Variants in KCNMA1 observed in about 807,000 individuals in gnomAD.
KCNMA1 encodes potassium calcium-activated channel subfamily M alpha 1, also known as Calcium-activated potassium channel subunit alpha-1.
KCNMA1 carries 29 observed loss-of-function variants against 140.0 expected under a neutral mutation model. That is an observed-to-expected ratio of 0.21 (90% CI 0.15 to 0.28). KCNMA1 has a LOEUF of 0.28. KCNMA1 is among the 10% of genes least tolerant of loss of function. The pLI is 1.00. For missense variants in KCNMA1, 880 were observed against 1,602.2 expected (o/e 0.55, Z 7.70); for synonymous variants, 612 against 611.9 (o/e 1.00, Z 0.00).
At chr10:77,417,261 A>G (rs1236333665) in intron 1 of KCNMA1, among the ~76,000 whole-genome samples, 3 of 152,236 alleles carry the variant, frequency 2.0e-5, no homozygotes, top group Admixed American at 1.3e-4. Flanking sequence ...CTTTTGGTCC[A>G]TGCATGTTGC....
chr10:77,533,067 T>C (rs991049760), intron 1 of KCNMA1, among the ~76,000 whole-genome samples: 1 of 152,218 alleles, frequency 6.6e-6, no homozygotes, highest in Admixed American at 6.5e-5. Flanking sequence ...GGGAACATAA[T>C]AAATGTTTGA....
At chr10:77,459,137 G>A (rs1399170876) in intron 1 of KCNMA1, among the ~76,000 whole-genome samples, 2 of 152,210 alleles carry the variant, frequency 1.3e-5, no homozygotes, top group Non-Finnish European at 2.9e-5. Flanking sequence ...GGCACTGACA[G>A]TAGGGGCATT....
At chr10:77,193,882 C>T (rs1306397162) in intron 3 of KCNMA1, among the ~76,000 whole-genome samples, 1 of 152,136 alleles carries the variant, frequency 6.6e-6, no homozygotes, top group Non-Finnish European at 1.5e-5. Context: ...GATCCATACT[C>T]CTCTCACATC....
intron 1 of KCNMA1, among the ~76,000 whole-genome samples, chr10:77,573,379 C>G (rs2072468066): frequency 6.6e-6 from 1 of 152,152 alleles, no homozygotes; most frequent in Non-Finnish European, 1.5e-5. Flanking sequence ...AGACTCTTAA[C>G]AAAGCCTCAG....
intron 3 of KCNMA1, among the ~76,000 whole-genome samples, chr10:77,223,630 T>C (rs2050384223): frequency 6.6e-6 from 1 of 152,144 alleles, no homozygotes; most frequent in East Asian, 1.9e-4. Context: ...ACAAGTTCAT[T>C]TTCTCAAATG....
At chr10:77,448,505 C>T (rs1287106133) in intron 1 of KCNMA1, among the ~76,000 whole-genome samples, 1 of 152,160 alleles carries the variant, frequency 6.6e-6, no homozygotes, top group Non-Finnish European at 1.5e-5. Context: ...GACATAGTCA[C>T]TTTACATATG....
intron 19 of KCNMA1, among the ~76,000 whole-genome samples, chr10:76,990,183 T>C (rs2082347337): frequency 6.6e-6 from 1 of 152,182 alleles, no homozygotes; most frequent in African/African-American, 2.4e-5. Flanking sequence ...AATGAGATGA[T>C]GTTGGTGCCT....
intron 5 of KCNMA1, among the ~76,000 whole-genome samples, chr10:77,178,379 CT>C (rs2098772327): frequency 1.3e-5 from 2 of 152,156 alleles, no homozygotes; most frequent in African/African-American, 4.8e-5. Context: ...CTCCTACTCC[CT>C]TCTTTAAATC....
At chr10:77,545,605 G>A (rs1375449009) in intron 1 of KCNMA1, among the ~76,000 whole-genome samples, 1 of 152,218 alleles carries the variant, frequency 6.6e-6, no homozygotes, top group African/African-American at 2.4e-5. Flanking sequence ...AGTGGGGCAT[G>A]GAGGTGCCCC....
intron 1 of KCNMA1, among the ~76,000 whole-genome samples, chr10:77,520,104 T>A (rs2052506523): frequency 6.6e-6 from 1 of 151,376 alleles, no homozygotes; most frequent in African/African-American, 2.4e-5. Context: ...AGTGTGAGGG[T>A]GTGCAGTGTG....
intron 13 of KCNMA1, among the ~76,000 whole-genome samples, chr10:77,073,499 A>G (rs1364417840): frequency 1.3e-5 from 2 of 152,146 alleles, no homozygotes; most frequent in Non-Finnish European, 2.9e-5. Flanking sequence ...ATTTAGCCAA[A>G]TAGAGCCCAG....
At chr10:77,530,528 G>T (rs1218286376) in intron 1 of KCNMA1, among the ~76,000 whole-genome samples, 1 of 152,184 alleles carries the variant, frequency 6.6e-6, no homozygotes, top group African/African-American at 2.4e-5. Flanking sequence ...TTCACTTAGT[G>T]CAAGTCACGC....
At chr10:77,335,162 C>G (rs557186726) in intron 2 of KCNMA1, among the ~76,000 whole-genome samples, 2 of 152,172 alleles carry the variant, frequency 1.3e-5, no homozygotes, top group East Asian at 3.9e-4. Context: ...CTTCCTCCTC[C>G]TCCCGTCCTC....
At chr10:76,999,035 C>T (rs368257601) in intron 19 of KCNMA1, among the ~76,000 whole-genome samples, 192 of 152,310 alleles carry the variant, frequency 1.3e-3, no homozygotes, top group African/African-American at 4.4e-3. Flanking sequence ...GGCTTCAACA[C>T]GCAGCCCAAA....
At chr10:77,004,880 T>C (rs541505761) in intron 18 of KCNMA1, among the ~76,000 whole-genome samples, 69 of 152,310 alleles carry the variant, frequency 4.5e-4, no homozygotes, top group African/African-American at 1.6e-3. Context: ...TAATTTTAGA[T>C]ATGAAGAGTT....
At position 77,551,335 on chromosome 10, in the gene KCNMA1, T is replaced by C. The variant is rs1476169268; in HGVS notation, c.378+85930A>G. ...TGTATCCAATTTTAAAAATTCATCA[T>C]ATGTCACAGACAGAGGCACAGACCC... On this transcript the variant is annotated intron_variant, in intron 1 of 27. Coordinates refer to ENST00000286628, the MANE Select transcript of KCNMA1 (RefSeq NM_001161352.2). Among the ~76,000 whole-genome samples, 5 of 152,322 alleles carry C rather than the reference T, an allele frequency of 3.3e-5. No individual in the cohort carries two copies. In the East Asian group the frequency reaches 9.6e-4, roughly 29 times the overall value.
intron 18 of KCNMA1, among the ~76,000 whole-genome samples, chr10:77,007,653 G>GTATATATA (rs60937323): frequency 0.029 from 2,543 of 88,432 alleles, 136 homozygotes; most frequent in African/African-American, 0.093. Flanking sequence ...TTGTGTGTGT[G>GTATATATA]TATATATATA....
chr10:76,971,699 G>C (rs1012064139), intron 19 of KCNMA1, among the ~76,000 whole-genome samples: 32 of 152,274 alleles, frequency 2.1e-4, no homozygotes, highest in African/African-American at 7.7e-4. Context: ...GTCATTTAGA[G>C]CTCCAGGCAG....
chr10:77,146,719 A>G (rs1191365148), intron 5 of KCNMA1, among the ~76,000 whole-genome samples: 4 of 146,118 alleles, frequency 2.7e-5, no homozygotes, highest in African/African-American at 7.5e-5. Flanking sequence ...AAAAAAAAAA[A>G]AAAAAAAAAA....
Sources: allele counts gnomAD v4.1 joint callset (sites outside exome capture counted in the v4.1 genomes callset), GRCh38; gene constraint gnomAD v4.1.1; transcripts MANE v1.5; gene names NCBI Gene and HGNC (gene_info 2026-07-23, HGNC 2026-07-21).